The following DPYD variants were observed in gnomAD, a reference collection of about 807,000 sequenced individuals.
The protein encoded by DPYD is dihydropyrimidine dehydrogenase [NADP(+)].
A neutral mutation model predicts 116.2 loss-of-function variants in DPYD; 109 were observed. The ratio of observed to expected loss-of-function variants is 0.94; its 90% CI spans 0.80 to 1.10. The LOEUF is 1.10. Ranked by LOEUF, DPYD falls within the 50% of genes least tolerant of loss-of-function variation. The probability of loss-of-function intolerance (pLI) is 0.00; values close to 1 mark genes in which losing one functional copy is unlikely to be tolerated. For missense variants in DPYD, 1,302 were observed against 1,254.5 expected, an observed-to-expected ratio of 1.04 and a Z score of -0.57; for synonymous variants, 440 against 432.0, an observed-to-expected ratio of 1.02 and a Z score of -0.23.
At chr1:97,860,429 G>C (rs1432294339) in intron 2 of DPYD, among the ~76,000 whole-genome samples, 1 of 152,084 alleles carries the variant, frequency 6.6e-6, no homozygotes, top group Non-Finnish European at 1.5e-5. Flanking sequence ...TTAGCTTACT[G>C]TGGGACATAA....
At chr1:97,421,976 G>A (rs1017266135) in intron 14 of DPYD, among the ~76,000 whole-genome samples, 1 of 152,100 alleles carries the variant, frequency 6.6e-6, no homozygotes, top group African/African-American at 2.4e-5. Flanking sequence ...TAGGGGCAGT[G>A]GGGATTGGAG....
chr1:97,535,495 A>T (rs1257652614), intron 12 of DPYD, among the ~76,000 whole-genome samples: 2 of 152,120 alleles, frequency 1.3e-5, no homozygotes, highest in African/African-American at 2.4e-5. Context: ...GTATTGGATC[A>T]GATTTTTCAG....
chr1:97,908,042 AT>A (rs1673730584), intron 1 of DPYD, among the ~76,000 whole-genome samples: 1 of 151,462 alleles, frequency 6.6e-6, no homozygotes, highest in Non-Finnish European at 1.5e-5. Context: ...CTATCTTTTC[AT>A]TTTTTTCCCC....
At chr1:97,312,480 ATTGTTTGCAGTAGTGGAAAAAAAGAAT>A (rs1456274590) in intron 16 of DPYD, among the ~76,000 whole-genome samples, 2 of 151,852 alleles carry the variant, frequency 1.3e-5, no homozygotes, top group East Asian at 3.9e-4. Flanking sequence ...TCACTACAGC[ATTGTTTGCAGTAGTGGAAAAAAAGAAT>A]AAATGTCAAT....
At chr1:97,792,365 C>G (rs1043205514) in intron 3 of DPYD, among the ~76,000 whole-genome samples, 22 of 152,040 alleles carry the variant, frequency 1.4e-4, no homozygotes, top group African/African-American at 5.3e-4. Context: ...CCTCCACCCC[C>G]CAGGTTCAAG....
At chr1:97,318,210 G>A (rs1402488081) in intron 16 of DPYD, among the ~76,000 whole-genome samples, 2 of 143,836 alleles carry the variant, frequency 1.4e-5, no homozygotes, top group Non-Finnish European at 3.1e-5. Flanking sequence ...ATAATGACAG[G>A]ATCAAATTCA....
chr1:97,186,843 G>A (rs1228743745), intron 20 of DPYD, among the ~76,000 whole-genome samples: 2 of 152,020 alleles, frequency 1.3e-5, no homozygotes, highest in African/African-American at 4.8e-5. Flanking sequence ...GCAAGACTGT[G>A]TCTCAAATAA....
intron 2 of DPYD, among the ~76,000 whole-genome samples, chr1:97,876,235 A>T (rs890085951): frequency 4.6e-5 from 7 of 152,026 alleles, no homozygotes; most frequent in African/African-American, 1.7e-4. Flanking sequence ...CTCAACCTGG[A>T]CATCCAAATC....
At chr1:97,298,932 C>A (rs1666702686) in intron 18 of DPYD, among the ~76,000 whole-genome samples, 1 of 152,184 alleles carries the variant, frequency 6.6e-6, no homozygotes, top group Non-Finnish European at 1.5e-5. Context: ...CTTGGTACAG[C>A]CCCTGAGATT....
intron 19 of DPYD, among the ~76,000 whole-genome samples, chr1:97,200,371 T>A (rs758266494): frequency 1.3e-5 from 2 of 152,146 alleles, no homozygotes; most frequent in African/African-American, 4.8e-5. Context: ...ATTGGAGAAT[T>A]ACTACATTTA....
chr1:97,302,852 T>A (rs1400658736), intron 18 of DPYD, among the ~76,000 whole-genome samples: 1 of 152,060 alleles, frequency 6.6e-6, no homozygotes, highest in Admixed American at 6.6e-5. Flanking sequence ...TCACTAAACT[T>A]GATTGCATAG....
At chr1:97,699,651 C>G in intron 5 of DPYD, 104 bp from the exon 6 acceptor site, 1 of 1,139,314 alleles carries the variant, frequency 8.8e-7, no homozygotes, top group Admixed American at 1.8e-5. Context: ...TAGCAATGAG[C>G]AGTACATTTT....
At chr1:97,736,532 G>A (rs991510068) in intron 4 of DPYD, among the ~76,000 whole-genome samples, 3 of 151,780 alleles carry the variant, frequency 2.0e-5, no homozygotes, top group Non-Finnish European at 4.4e-5. Flanking sequence ...ACTAAATAAA[G>A]CAATTATAAT....
chr1:97,546,321 G>A (rs1650856815), intron 12 of DPYD: 1 of 1,434,882 alleles, frequency 7.0e-7, no homozygotes, highest in South Asian at 1.1e-5. Context: ...CAAAGCAACA[G>A]AAACAAAAGC....
intron 16 of DPYD, among the ~76,000 whole-genome samples, chr1:97,359,257 GA>G (rs975896181): frequency 1.3e-5 from 2 of 151,604 alleles, no homozygotes; most frequent in African/African-American, 4.8e-5. Context: ...AAGTTTAGAG[GA>G]AAAAAAAGTG....
chr1:97,688,709 G>C (rs1660864555), intron 7 of DPYD, among the ~76,000 whole-genome samples: 1 of 151,990 alleles, frequency 6.6e-6, no homozygotes, highest in Non-Finnish European at 1.5e-5. Context: ...TTTAAAACTT[G>C]TAATGGTAAC....
intron 20 of DPYD, among the ~76,000 whole-genome samples, chr1:97,153,776 T>G (rs1248618914): frequency 2.6e-5 from 4 of 151,934 alleles, no homozygotes; most frequent in African/African-American, 9.7e-5. Flanking sequence ...GTCCAGAAGC[T>G]ACAAAGAACT....
intron 13 of DPYD, among the ~76,000 whole-genome samples, chr1:97,457,612 T>A (rs1676756237): frequency 6.6e-6 from 1 of 152,166 alleles, no homozygotes; most frequent in South Asian, 2.1e-4. Flanking sequence ...GATAAATAAA[T>A]GTTTATTCAT....
At chr1:97,678,429 C>G (rs1557877814) in intron 8 of DPYD, among the ~76,000 whole-genome samples, 1 of 152,064 alleles carries the variant, frequency 6.6e-6, no homozygotes, top group Admixed American at 6.6e-5. Flanking sequence ...GCCCATAGTA[C>G]AAATCATATC....
Sources: allele counts gnomAD v4.1 joint callset (sites outside exome capture counted in the v4.1 genomes callset), GRCh38; gene constraint gnomAD v4.1.1; transcripts MANE v1.5; gene names NCBI Gene and HGNC (gene_info 2026-07-23, HGNC 2026-07-21).